The following SHROOM3 variants were observed in gnomAD, a reference collection of about 807,000 sequenced individuals.
SHROOM3 encodes shroom family member 3.
A neutral mutation model predicts 138.6 loss-of-function variants in SHROOM3; 47 were observed. That is an observed-to-expected ratio of 0.34 (90% CI 0.27 to 0.43). The LOEUF (loss-of-function observed/expected upper bound fraction) is 0.43, where lower values mean the gene tolerates loss of function less well. Among genes scored for constraint, SHROOM3 ranks in the 20% least tolerant of loss-of-function variants. SHROOM3 has a pLI of 1.00. For missense variants in SHROOM3, 2,491 were observed against 2,596.5 expected, an observed-to-expected ratio of 0.96 and a Z score of 0.88; for synonymous variants, 1,062 against 1,063.3, an observed-to-expected ratio of 1.00 and a Z score of 0.02.
chr4:76,759,625 T>G lies in SHROOM3; in HGVS notation c.5279T>G (p.Leu1760Arg), dbSNP rs1359584711. 5 of 1,614,078 alleles carry G rather than the reference T, an allele frequency of 3.1e-6. No homozygotes were observed. The African/African-American group carries it at 6.7e-5, about 22-fold the overall frequency. Residue 1760 changes from leucine to arginine, a missense_variant, in exon 9 of 11, where the codon CTG (leucine) becomes CGG (arginine). Around this residue, in one of 4 missense-constraint regions of SHROOM3, gnomAD observed 470 missense variants for 595.0 expected, o/e 0.79. Coordinates refer to ENST00000296043, the MANE Select transcript of SHROOM3 (RefSeq NM_020859.4). ...GTGTCTGCTCCCAAGGCTGAGCTAC[T>G]GAACAAAATCAAAGAGATGCCAGCA... ...YSVSAPKAEL[L>R]NKIKEMPAEV...
At chr4:76,765,147 C>A (rs1239612642) in intron 9 of SHROOM3, among the ~76,000 whole-genome samples, 1 of 150,014 alleles carries the variant, frequency 6.7e-6, no homozygotes, top group African/African-American at 2.5e-5. Flanking sequence ...TTATAGTTTT[C>A]AGTTCTAAAA....
chr4:76,567,366 C>T (rs1296885199), intron 2 of SHROOM3, among the ~76,000 whole-genome samples: 1 of 152,150 alleles, frequency 6.6e-6, no homozygotes, highest in South Asian at 2.1e-4. Context: ...GAAACCCCGT[C>T]TCAGCCGGGT....
Position 76,754,714 on chromosome 4 carries a change from G to A in SHROOM3, c.4231G>A (p.Gly1411Arg), listed in dbSNP as rs958959360. The A allele has an allele frequency of 6.2e-7, 1 of 1,614,202 alleles. No homozygotes were observed. The highest frequency in any genetic ancestry group is 1.1e-5 in the South Asian group (1 of 91,080). Reference sequence around the variant, plus strand: ...CTGTGAGGGCGATGGCCCAGAGCATGGGGTAGAAGAGGGAACGAGGAAGAG... The same window carrying A: ...CTGTGAGGGCGATGGCCCAGAGCATAGGGTAGAAGAGGGAACGAGGAAGAG... ...RGCEGDGPEHGVEEGTRKRVS... is the reference protein window; with the variant it reads ...RGCEGDGPEHRVEEGTRKRVS... The change falls in exon 7 of 11, where the codon GGG (glycine) becomes AGG (arginine). Residue 1411 changes from glycine to arginine, a missense_variant. This residue lies in a region of SHROOM3 where 1,733 missense variants were observed against 1,661.6 expected (regional missense o/e 1.04). Transcript: ENST00000296043.
chr4:76,618,695 G>T (rs565861723), intron 2 of SHROOM3, among the ~76,000 whole-genome samples: 1 of 152,214 alleles, frequency 6.6e-6, no homozygotes, highest in Admixed American at 6.5e-5. Context: ...TAAGAACATG[G>T]ATATTCTCTT....
chr4:76,580,929 C>T (rs1734040233), intron 2 of SHROOM3, among the ~76,000 whole-genome samples: 1 of 152,012 alleles, frequency 6.6e-6, no homozygotes, highest in Admixed American at 6.5e-5. Context: ...ACCTTTCCAC[C>T]TTATTCTTTT....
At chr4:76,731,851 A>G (rs1720896482) in intron 4 of SHROOM3, among the ~76,000 whole-genome samples, 1 of 152,124 alleles carries the variant, frequency 6.6e-6, no homozygotes, top group African/African-American at 2.4e-5. Context: ...AGCTCAAACA[A>G]CTGATCAGTA....
At chr4:76,479,065 G>T (rs761630838) in intron 1 of SHROOM3, among the ~76,000 whole-genome samples, 3 of 151,974 alleles carry the variant, frequency 2.0e-5, no homozygotes, top group Non-Finnish European at 4.4e-5. Flanking sequence ...AAACCAGAAC[G>T]CCTCTTCTTC....
At chr4:76,571,505 C>T (rs1400627040) in intron 2 of SHROOM3, among the ~76,000 whole-genome samples, 1 of 152,168 alleles carries the variant, frequency 6.6e-6, no homozygotes, top group Non-Finnish European at 1.5e-5. Context: ...TTGTCTCACT[C>T]ATTTGACATT....
At chr4:76,537,547 A>G (rs1457636175) in intron 1 of SHROOM3, among the ~76,000 whole-genome samples, 1 of 152,208 alleles carries the variant, frequency 6.6e-6, no homozygotes, top group Non-Finnish European at 1.5e-5. Flanking sequence ...ACCAGTTAGG[A>G]TCCCACTAAA....
Position 76,646,225 on chromosome 4 carries a change from A to AATAAATATATATATATATAT in SHROOM3, c.324-63928_324-63927insAATATATATATATATATATA, listed in dbSNP as rs61374645. Among the ~76,000 whole-genome samples the AATAAATATATATATATATAT allele has an allele frequency of 2.4e-3, 230 of 96,158 alleles. 5 individuals carry two copies. In the East Asian group the frequency reaches 0.046, roughly 19 times the overall value. The allele number at this position is 96,158 out of a possible 152,430, so 63.1% of individuals were successfully genotyped here. ...CCTAGAACTTAAAGTATAATAAATAAATATATATATATATATATATATAAA... is the reference window on the plus strand; with the variant it reads ...CCTAGAACTTAAAGTATAATAAATAAATAAATATATATATATATATATATATATATATATATATATATAAA... On this transcript the variant is annotated intron_variant, in intron 2 of 10. Coordinates refer to ENST00000296043, the MANE Select transcript of SHROOM3 (RefSeq NM_020859.4).
chr4:76,563,531 C>T (rs1733640739), intron 2 of SHROOM3, among the ~76,000 whole-genome samples: 1 of 152,278 alleles, frequency 6.6e-6, no homozygotes, highest in Admixed American at 6.5e-5. Flanking sequence ...AGTGTATTTG[C>T]ACCATCTGGT....
chr4:76,655,732 G>T (rs958045747), intron 2 of SHROOM3, among the ~76,000 whole-genome samples: 13 of 152,154 alleles, frequency 8.5e-5, no homozygotes, highest in African/African-American at 3.1e-4. Flanking sequence ...AGCAGTGACA[G>T]GTCTCATCGT....
rs368605985 is a variant in SHROOM3 at position 76,756,907 on chromosome 4, C to G, written c.5168C>G (p.Thr1723Ser). Residue 1723 changes from threonine to serine, a missense_variant, in exon 8 of 11, where the codon ACT (threonine) becomes AGT (serine). Coordinates refer to ENST00000296043, the MANE Select transcript of SHROOM3 (RefSeq NM_020859.4). ...GTAAAGAGGAAGGCCATACAGAGAA[C>G]TGTCAGCTCTTCAGGATGTGAAGGC... ...NSVKRKAIQR[T>S]VSSSGCEGKR... 1.9e-6 allele frequency: 3 copies of G among 1,613,952 alleles called. No homozygotes were observed. The highest frequency in any genetic ancestry group is 2.5e-6 in the Non-Finnish European group (3 of 1,180,048).
chr4:76,657,686 T>A (rs1736094855), intron 2 of SHROOM3, among the ~76,000 whole-genome samples: 1 of 152,176 alleles, frequency 6.6e-6, no homozygotes, highest in Non-Finnish European at 1.5e-5. Flanking sequence ...AACAGTGACA[T>A]CCATTGACCT....
chr4:76,704,842 CAT>C (rs1399703279), intron 2 of SHROOM3, among the ~76,000 whole-genome samples: 2 of 152,050 alleles, frequency 1.3e-5, no homozygotes, highest in Non-Finnish European at 2.9e-5. Context: ...CTGGATGAAA[CAT>C]AACAAAAAAG....
At chr4:76,684,404 G>T (rs1236041886) in intron 2 of SHROOM3, among the ~76,000 whole-genome samples, 2 of 152,192 alleles carry the variant, frequency 1.3e-5, no homozygotes, top group African/African-American at 4.8e-5. Flanking sequence ...TAATATTGTT[G>T]CTCTGTTCTT....
intron 2 of SHROOM3, among the ~76,000 whole-genome samples, chr4:76,611,895 T>C (rs1024700092): frequency 6.6e-6 from 1 of 152,210 alleles, no homozygotes; most frequent in African/African-American, 2.4e-5. Flanking sequence ...TCATCAGCCA[T>C]GGAAGTTTGT....
intron 2 of SHROOM3, among the ~76,000 whole-genome samples, chr4:76,659,515 T>G (rs183304148): frequency 2.9e-4 from 44 of 152,354 alleles, no homozygotes; most frequent in African/African-American, 1.0e-3. Flanking sequence ...GCAATTCTTA[T>G]GTATATGTAA....
intron 2 of SHROOM3, among the ~76,000 whole-genome samples, chr4:76,682,443 A>T (rs1719225676): frequency 1.3e-5 from 2 of 152,146 alleles, no homozygotes; most frequent in African/African-American, 4.8e-5. Context: ...ACTTTTGACC[A>T]CCACACTCCA....
Sources: gnomAD v4.1 joint callset for allele counts (sites outside exome capture counted in the v4.1 genomes callset) on GRCh38, gnomAD v4.1.1 for gene constraint, gnomAD v4.1.1 regional missense constraint, MANE v1.5 for transcripts, NCBI Gene and HGNC (gene_info 2026-07-23, HGNC 2026-07-21) for gene names.